Variants in YWHAE observed in about 807,000 individuals in gnomAD.
YWHAE encodes 14-3-3 protein epsilon.
In YWHAE, 4 loss-of-function variants were observed where a neutral mutation model predicts 30.1. The ratio of observed to expected loss-of-function variants is 0.13; its 90% confidence interval spans 0.07 to 0.30. The LOEUF is 0.30. Among genes scored for constraint, YWHAE ranks in the 10% least tolerant of loss-of-function variants. The pLI, the probability that YWHAE is intolerant of heterozygous loss-of-function variation, is 1.00. For synonymous variants in YWHAE, 118 were observed against 111.8 expected (o/e 1.06, Z -0.35); for missense variants, 121 against 315.9 (o/e 0.38, Z 4.68).
intron 1 of YWHAE, among the ~76,000 whole-genome samples, chr17:1,372,935 C>G (rs895882554): frequency 4.6e-5 from 7 of 151,894 alleles, no homozygotes; most frequent in African/African-American, 1.7e-4. Context: ...GACCCTGTCT[C>G]CAAAAATTAA....
intron 5 of YWHAE, 44 bp downstream of exon 5, chr17:1,354,167 C>T: frequency 4.4e-6 from 7 of 1,598,610 alleles, no homozygotes; most frequent in Non-Finnish European, 5.1e-6. Context: ...ACAAACAAAT[C>T]CTGCAACTGA....
intron 1 of YWHAE, among the ~76,000 whole-genome samples, chr17:1,393,228 G>T (rs1373256969): frequency 2.6e-5 from 4 of 151,426 alleles, no homozygotes; most frequent in African/African-American, 9.7e-5. Context: ...GGCTGAGGTG[G>T]GGGGATCACC....
intron 1 of YWHAE, among the ~76,000 whole-genome samples, chr17:1,397,672 TTC>T (rs1448446512): frequency 6.6e-6 from 1 of 151,930 alleles, no homozygotes; most frequent in Non-Finnish European, 1.5e-5. Context: ...ACCTGCTAAG[TTC>T]TGTTTGGTGA....
At chr17:1,399,097 G>A (rs1429589262) in intron 1 of YWHAE, 5 of 152,008 alleles carry the variant, frequency 3.3e-5, no homozygotes, top group East Asian at 1.9e-4. Flanking sequence ...TTGTCATCAC[G>A]GTGCGCACAA....
chr17:1,362,274 C>A (rs1182867827), intron 2 of YWHAE, among the ~76,000 whole-genome samples: 1 of 152,102 alleles, frequency 6.6e-6, no homozygotes. Context: ...ACCCCCTTCA[C>A]AGTACCACAG....
At chr17:1,393,662 C>T (rs1285694945) in intron 1 of YWHAE, among the ~76,000 whole-genome samples, 1 of 152,108 alleles carries the variant, frequency 6.6e-6, no homozygotes, top group Non-Finnish European at 1.5e-5. Flanking sequence ...AACTCCTGAC[C>T]TCAGGTGATC....
At chr17:1,388,391 C>G (rs1310224286) in intron 1 of YWHAE, among the ~76,000 whole-genome samples, 3 of 151,764 alleles carry the variant, frequency 2.0e-5, no homozygotes, top group Non-Finnish European at 4.4e-5. Context: ...TGGCAGGCGC[C>G]TGTAGTACCA....
At chr17:1,357,475 G>A (rs932951731) in intron 4 of YWHAE, among the ~76,000 whole-genome samples, 9 of 151,840 alleles carry the variant, frequency 5.9e-5, no homozygotes, top group African/African-American at 2.2e-4. Context: ...AGCTACTTGG[G>A]AGGCTGAGGC....
chr17:1,355,148 A>G (rs12941424), intron 4 of YWHAE, among the ~76,000 whole-genome samples: 1 of 76,790 alleles, frequency 1.3e-5, no homozygotes, highest in Non-Finnish European at 2.7e-5. Context: ...AAAAAAAAAA[A>G]TTTTTTTTTT....
Position 1,367,568 on chromosome 17 carries a change from G to A in YWHAE, c.65-2510C>T, listed in dbSNP as rs539900665. On this transcript the variant is annotated intron_variant, in intron 1 of 5. Transcript: ENST00000264335. ...ATTAGGTTGGTACAAAAGTAATTGCGCATTTTGCCAGCAAAAACCACAATT... is the reference window on the plus strand; with the variant it reads ...ATTAGGTTGGTACAAAAGTAATTGCACATTTTGCCAGCAAAAACCACAATT... Among the ~76,000 whole-genome samples the A allele has an allele frequency of 2.7e-3, 417 of 152,196 alleles. 2 individuals are homozygous for A. The highest frequency in any genetic ancestry group is 3.9e-3 in the Admixed American group (60 of 15,268).
chr17:1,394,856 A>T (rs969830596), intron 1 of YWHAE, among the ~76,000 whole-genome samples: 3 of 151,794 alleles, frequency 2.0e-5, no homozygotes, highest in Non-Finnish European at 4.4e-5. Flanking sequence ...AGTCCCAGCT[A>T]CTCGGGAAGC....
chr17:1,351,070 C>CA (rs1011698596), intron 5 of YWHAE, among the ~76,000 whole-genome samples: 1 of 133,414 alleles, frequency 7.5e-6, no homozygotes, highest in East Asian at 2.3e-4. Flanking sequence ...CAAAACAAAA[C>CA]AAAAAATCAG....
intron 1 of YWHAE, among the ~76,000 whole-genome samples, chr17:1,376,923 C>A (rs1341136621): frequency 6.8e-6 from 1 of 146,512 alleles, no homozygotes; most frequent in African/African-American, 2.4e-5. Flanking sequence ...GGGTCATAAC[C>A]CTAACTTTTT....
intron 1 of YWHAE, among the ~76,000 whole-genome samples, chr17:1,394,144 T>C (rs1257900984): frequency 6.6e-6 from 1 of 152,194 alleles, no homozygotes; most frequent in African/African-American, 2.4e-5. Flanking sequence ...GTTCTGGCTT[T>C]ACCATTTAAT....
chr17:1,382,523 A>AC (rs2073229836), intron 1 of YWHAE, among the ~76,000 whole-genome samples: 1 of 142,990 alleles, frequency 7.0e-6, no homozygotes, highest in African/African-American at 2.6e-5. Flanking sequence ...GGCCAGGCTA[A>AC]TTTTTTTTTT....
At chr17:1,360,441 G>C (rs2150849040) in intron 4 of YWHAE, among the ~76,000 whole-genome samples, 1 of 152,234 alleles carries the variant, frequency 6.6e-6, no homozygotes, top group Non-Finnish European at 1.5e-5. Flanking sequence ...TTTGCTACGA[G>C]AGTAACTATT....
chr17:1,357,914 G>C (rs565913017), intron 4 of YWHAE, among the ~76,000 whole-genome samples: 2 of 150,898 alleles, frequency 1.3e-5, no homozygotes, highest in South Asian at 4.2e-4. Context: ...GAAACACAGC[G>C]AGACTCTCCT....
chr17:1,400,163 T>G lies in YWHAE; in HGVS notation c.-53A>C, dbSNP rs868169662. The G allele has an allele frequency of 1.0e-5, 16 of 1,603,172 alleles. No individual in the cohort carries two copies. The highest frequency in any genetic ancestry group is 8.9e-5 in the East Asian group (4 of 44,838). On this transcript the variant is annotated 5_prime_UTR_variant, in exon 1 of 6. Coordinates refer to ENST00000264335, the MANE Select transcript of YWHAE (RefSeq NM_006761.5). ...GCGACGGATGGAAGCGGATAGTGTC[T>G]CCGACTCTCTCAGCCTCTCGCTCCG...
intron 1 of YWHAE, among the ~76,000 whole-genome samples, chr17:1,396,837 G>C (rs2073479398): frequency 2.0e-5 from 3 of 151,710 alleles, no homozygotes; most frequent in African/African-American, 7.3e-5. Flanking sequence ...GGTCAGGCTG[G>C]TCTCGAACTT....
Sources: gnomAD v4.1 joint callset for allele counts (sites outside exome capture counted in the v4.1 genomes callset) on GRCh38, gnomAD v4.1.1 for gene constraint, MANE v1.5 for transcripts, NCBI Gene and HGNC (gene_info 2026-07-23, HGNC 2026-07-21) for gene names.